PIP5K1A: variants seen among roughly 807,000 people sequenced by gnomAD.
PIP5K1A encodes the protein phosphatidylinositol-4-phosphate 5-kinase type 1 alpha.
A neutral mutation model predicts 72.9 loss-of-function variants in PIP5K1A; 46 were observed. The ratio of observed to expected loss-of-function variants is 0.63; its 90% confidence interval spans 0.50 to 0.81. PIP5K1A has a LOEUF of 0.81. Ranked by LOEUF, PIP5K1A falls within the 30% of genes least tolerant of loss-of-function variation. PIP5K1A has a pLI of 0.00. For synonymous variants in PIP5K1A, 228 were observed against 255.1 expected (o/e 0.89, Z 1.01); for missense variants, 458 against 706.1 (o/e 0.65, Z 3.98).
intron 1 of PIP5K1A, among the ~76,000 whole-genome samples, chr1:151,217,011 C>T (rs1477088614): frequency 1.4e-5 from 2 of 147,660 alleles, no homozygotes; most frequent in African/African-American, 2.5e-5. Flanking sequence ...CTCCTGGGTT[C>T]AAGCAATTCT....
Position 151,224,093 on chromosome 1 carries a change from C to G in PIP5K1A, c.86-152C>G. The G allele has an allele frequency of 3.1e-5, 22 of 713,412 alleles. No individual in the cohort carries two copies. In the South Asian group the frequency reaches 3.6e-4, roughly 12 times the overall value. 44.2% of individuals were successfully genotyped at this position (713,412 alleles called of 1,614,324 possible). A position where few individuals can be genotyped will look rare whatever the true frequency, so the allele number is the denominator to read the frequency against. On this transcript the variant is annotated intron_variant, in intron 1 of 15. Transcript: ENST00000368888. ...ATGGAGAAGGAGAGAGGGACATACA[C>G]AGTTGCTATCCAAAAGGATCTGGTA...
intron 4 of PIP5K1A, among the ~76,000 whole-genome samples, chr1:151,228,478 A>C (rs587604013): frequency 6.6e-6 from 1 of 152,252 alleles, no homozygotes; most frequent in South Asian, 2.1e-4. Context: ...ACAGTCATTT[A>C]GCTGGCGAAT....
At chr1:151,235,604 C>T (rs923979567) in intron 8 of PIP5K1A, among the ~76,000 whole-genome samples, 2 of 152,210 alleles carry the variant, frequency 1.3e-5, no homozygotes, top group Admixed American at 6.5e-5. Context: ...TGAAGCTAGT[C>T]ATACAAGGTC....
intron 1 of PIP5K1A, among the ~76,000 whole-genome samples, chr1:151,208,719 CTTTTTTTTTTTTTTTT>C (rs61545057): frequency 2.5e-4 from 11 of 43,164 alleles, no homozygotes; most frequent in Admixed American, 8.2e-4. Flanking sequence ...TAATGGTACG[CTTTTTTTTTTTTTTTT>C]TTTTTTTTTT....
intron 11 of PIP5K1A, 98 bp downstream of exon 11, chr1:151,239,276 C>CT (rs587607391): frequency 0.061 from 36,233 of 598,462 alleles, 23 homozygotes; most frequent in Middle Eastern, 0.072. Flanking sequence ...TTTCTTTTTT[C>CT]TTTTTTTTTT....
upstream of PIP5K1A, chr1:151,197,892 G>C (rs1013146159): frequency 5.7e-6 from 2 of 350,798 alleles, no homozygotes; most frequent in African/African-American, 4.3e-5. Flanking sequence ...ATTTTTCTGT[G>C]TATCTCCATG....
chr1:151,237,067 T>G (rs1245155873), intron 9 of PIP5K1A, among the ~76,000 whole-genome samples: 1 of 152,020 alleles, frequency 6.6e-6, no homozygotes, highest in Non-Finnish European at 1.5e-5. Flanking sequence ...TGACCTCAGG[T>G]GATCCACCCG....
chr1:151,213,484 G>A (rs147018908), intron 1 of PIP5K1A: 3 of 152,116 alleles, frequency 2.0e-5, no homozygotes, highest in African/African-American at 4.8e-5. Context: ...TTATAGGAGA[G>A]TGTTGATTTC....
At chr1:151,242,767 G>A (rs1037320389) in intron 14 of PIP5K1A, among the ~76,000 whole-genome samples, 200 bp downstream of exon 14, 1 of 152,146 alleles carries the variant, frequency 6.6e-6, no homozygotes, top group African/African-American at 2.4e-5. Context: ...CTCATGAGGT[G>A]GCATTTAAGC....
At chr1:151,240,166 C>A in intron 12 of PIP5K1A, 127 bp downstream of exon 12, 1 of 698,786 alleles carries the variant, frequency 1.4e-6, no homozygotes, top group Non-Finnish European at 2.5e-6. Context: ...CACCTACATC[C>A]CATGAGAGCC....
At chr1:151,245,590 T>C (rs1692384317) in intron 14 of PIP5K1A, among the ~76,000 whole-genome samples, 1 of 152,134 alleles carries the variant, frequency 6.6e-6, no homozygotes, top group South Asian at 2.1e-4. Flanking sequence ...GGCTAGAATG[T>C]AGTGGCACTA....
intron 1 of PIP5K1A, among the ~76,000 whole-genome samples, chr1:151,215,177 G>C (rs1010631578): frequency 1.3e-5 from 2 of 148,610 alleles, no homozygotes; most frequent in Admixed American, 1.3e-4. Flanking sequence ...ATTACAGGCA[G>C]GTGCCACCAT....
intron 1 of PIP5K1A, among the ~76,000 whole-genome samples, chr1:151,209,984 A>G (rs1686562625): frequency 6.6e-6 from 1 of 151,750 alleles, no homozygotes; most frequent in Non-Finnish European, 1.5e-5. Flanking sequence ...CCTGGGTTCA[A>G]GAGATTCTTG....
At chr1:151,231,557 C>A in intron 4 of PIP5K1A, 114 bp from the exon 5 acceptor site, 1 of 877,956 alleles carries the variant, frequency 1.1e-6, no homozygotes, top group Non-Finnish European at 1.9e-6. Flanking sequence ...AACTATTGCT[C>A]AGACTAAAGG....
intron 15 of PIP5K1A, among the ~76,000 whole-genome samples, chr1:151,247,466 C>A (rs1381352645): frequency 6.6e-6 from 1 of 152,054 alleles, no homozygotes; most frequent in Non-Finnish European, 1.5e-5. Context: ...TGCTCTGTCA[C>A]CCAGGCTGGA....
chr1:151,202,809 G>C (rs746163638), intron 1 of PIP5K1A, among the ~76,000 whole-genome samples: 2 of 149,732 alleles, frequency 1.3e-5, no homozygotes, highest in Non-Finnish European at 3.0e-5. Flanking sequence ...GTCTCTCTCT[G>C]TCGCCCAGGC....
intron 14 of PIP5K1A, 113 bp downstream of exon 14, chr1:151,242,680 A>G: frequency 2.2e-6 from 2 of 925,686 alleles, no homozygotes; most frequent in Non-Finnish European, 3.4e-6. Flanking sequence ...AGTGGCTTAA[A>G]ATAACAAACA....
chr1:151,245,761 C>G (rs376096436), intron 14 of PIP5K1A, among the ~76,000 whole-genome samples: 2 of 152,106 alleles, frequency 1.3e-5, no homozygotes, highest in South Asian at 4.1e-4. Flanking sequence ...GTCTTGAACT[C>G]CTGGCTTCAG....
chr1:151,234,553 T>G (rs1052212673), intron 8 of PIP5K1A, 57 bp downstream of exon 8: 4 of 1,407,618 alleles, frequency 2.8e-6, no homozygotes, highest in Non-Finnish European at 4.0e-6. Flanking sequence ...TTGATTGTTC[T>G]TAGGCATTAA....
Sources: gnomAD v4.1 joint callset for allele counts (sites outside exome capture counted in the v4.1 genomes callset) on GRCh38, gnomAD v4.1.1 for gene constraint, MANE v1.5 for transcripts, NCBI Gene and HGNC (gene_info 2026-07-23, HGNC 2026-07-21) for gene names.